Variants in PCSK5 observed in about 807,000 individuals in gnomAD.
PCSK5 encodes prohormone convertase 5.
Under a neutral mutation model 233.2 loss-of-function variants are expected in PCSK5, and 129 were observed. The ratio of observed to expected loss-of-function variants is 0.55; its 90% CI spans 0.48 to 0.64. The LOEUF (loss-of-function observed/expected upper bound fraction) is 0.64, where lower values mean the gene tolerates loss of function less well. PCSK5 is among the 30% of genes least tolerant of loss of function. PCSK5 has a pLI of 0.00. For synonymous variants in PCSK5, 825 were observed against 879.2 expected (o/e 0.94, Z 1.09); for missense variants, 2,076 against 2,430.1 (o/e 0.85, Z 3.06).
chr9:75,989,799 A>C lies in PCSK5; in HGVS notation c.411+3554A>C, dbSNP rs1299742545. Among the ~76,000 whole-genome samples the C allele has an allele frequency of 2.6e-5, 4 of 152,288 alleles. No individual in the cohort carries two copies. In the East Asian group the frequency reaches 7.7e-4, roughly 30 times the overall value. On this transcript the variant is annotated intron_variant, in intron 3 of 37. Coordinates refer to ENST00000674117, the MANE Select transcript of PCSK5 (RefSeq NM_001372043.1). ...GATGTCTTTTATGACATCTAACCTC[A>C]GAAGTCACAGACCCTTATTTCTGTA...
intron 28 of PCSK5, among the ~76,000 whole-genome samples, chr9:76,302,459 T>C (rs558143117): frequency 6.6e-6 from 1 of 152,124 alleles, no homozygotes. Context: ...AGGATATTCG[T>C]GACGAGCTAA....
At chr9:76,077,727 G>C (rs1005404684) in intron 7 of PCSK5, among the ~76,000 whole-genome samples, 2 of 152,170 alleles carry the variant, frequency 1.3e-5, no homozygotes, top group African/African-American at 4.8e-5. Flanking sequence ...TGCTACAAAG[G>C]ACATGGTTTT....
At chr9:75,939,814 T>C (rs943919429) in intron 2 of PCSK5, among the ~76,000 whole-genome samples, 8 of 152,156 alleles carry the variant, frequency 5.3e-5, no homozygotes, top group African/African-American at 1.9e-4. Context: ...TTTCCATTCC[T>C]TTTTCTATCC....
rs1830229669 is a variant in PCSK5, at chr9:76,353,893, T to C, written c.5068-140T>C. 6 of 639,532 alleles carry C rather than the reference T, an allele frequency of 9.4e-6. No homozygotes were observed. The South Asian group carries it at 1.2e-4, about 13-fold the overall frequency. 39.6% of individuals were successfully genotyped at this position (639,532 alleles called of 1,614,324 possible). ...GTTCTTTCACCCAACACAGTTAAAA[T>C]GGGCTTAGAACACACCATCCTTCTG... On this transcript the variant is annotated intron_variant, in intron 36 of 37. Transcript: ENST00000674117.
intron 3 of PCSK5, among the ~76,000 whole-genome samples, chr9:76,019,768 C>A (rs1828102016): frequency 1.3e-5 from 2 of 152,130 alleles, no homozygotes; most frequent in Non-Finnish European, 2.9e-5. Flanking sequence ...AAGGCCATTT[C>A]TTGAACTCAC....
chr9:75,911,798 G>C (rs1381547130), intron 1 of PCSK5, among the ~76,000 whole-genome samples: 1 of 152,162 alleles, frequency 6.6e-6, no homozygotes, highest in Non-Finnish European at 1.5e-5. Flanking sequence ...ATCTTCCCAA[G>C]TGACAGGAAG....
chr9:76,142,282 G>A (rs1360554746), intron 10 of PCSK5, among the ~76,000 whole-genome samples: 2 of 151,638 alleles, frequency 1.3e-5, no homozygotes, highest in African/African-American at 4.8e-5. Flanking sequence ...CTGGTTCCGA[G>A]TTAGTATGAG....
chr9:76,094,877 T>C (rs1345473225), intron 7 of PCSK5, among the ~76,000 whole-genome samples: 2 of 152,176 alleles, frequency 1.3e-5, no homozygotes, highest in Non-Finnish European at 2.9e-5. Context: ...CCCAAAATGC[T>C]AGGATTACAA....
At chr9:76,335,406 C>G (rs1829651650) in intron 34 of PCSK5, among the ~76,000 whole-genome samples, 1 of 152,188 alleles carries the variant, frequency 6.6e-6, no homozygotes, top group Non-Finnish European at 1.5e-5. Flanking sequence ...AATCAGTGTT[C>G]CACATGCTTG....
intron 20 of PCSK5, among the ~76,000 whole-genome samples, chr9:76,222,808 T>C (rs1439713700): frequency 3.3e-5 from 5 of 152,226 alleles, no homozygotes; most frequent in African/African-American, 4.8e-5. Context: ...ATTTCATTAG[T>C]ACATAAGTAG....
At chr9:75,951,718 A>C (rs1332098751) in intron 2 of PCSK5, among the ~76,000 whole-genome samples, 1 of 152,148 alleles carries the variant, frequency 6.6e-6, no homozygotes, top group African/African-American at 2.4e-5. Flanking sequence ...TTGGGAAAAA[A>C]CAGTAAAAAT....
intron 12 of PCSK5, 29 bp from the exon 13 acceptor site, chr9:76,169,675 G>A (rs770274263): frequency 1.0e-5 from 16 of 1,607,858 alleles, no homozygotes; most frequent in East Asian, 2.2e-5. Context: ...TTGAAATATC[G>A]CACATAACAA....
At chr9:75,895,271 A>C (rs1219303088) in intron 1 of PCSK5, among the ~76,000 whole-genome samples, 2 of 152,204 alleles carry the variant, frequency 1.3e-5, no homozygotes, top group Non-Finnish European at 2.9e-5. Flanking sequence ...TAAAATGATA[A>C]ATCTCTAGAT....
chr9:76,103,394 A>C (rs1831843205), intron 8 of PCSK5, among the ~76,000 whole-genome samples: 1 of 152,198 alleles, frequency 6.6e-6, no homozygotes, highest in African/African-American at 2.4e-5. Context: ...AAAACGGATC[A>C]CTAGATATCA....
chr9:75,998,759 A>G (rs1402457552), intron 3 of PCSK5, among the ~76,000 whole-genome samples: 4 of 152,306 alleles, frequency 2.6e-5, no homozygotes, highest in Non-Finnish European at 4.4e-5. Flanking sequence ...ACCAACTTCA[A>G]TAATTACCAA....
intron 2 of PCSK5, among the ~76,000 whole-genome samples, chr9:75,951,991 C>A (rs1334924486): frequency 3.3e-5 from 5 of 152,146 alleles, no homozygotes; most frequent in Non-Finnish European, 7.4e-5. Flanking sequence ...TTCAACCATA[C>A]AGCCAAATTT....
At chr9:76,014,225 C>T (rs1051268283) in intron 3 of PCSK5, among the ~76,000 whole-genome samples, 25 of 152,084 alleles carry the variant, frequency 1.6e-4, no homozygotes, top group African/African-American at 5.8e-4. Context: ...CTCATGTTCC[C>T]ATAATTATTA....
In PCSK5 at chr9:76,272,292, G is replaced by C. The variant is rs61207681; in HGVS notation, c.3143-19941G>C. On this transcript the variant is annotated intron_variant, in intron 24 of 37. Coordinates refer to ENST00000674117, the MANE Select transcript of PCSK5 (RefSeq NM_001372043.1). ...ATCTCAACAACTATACTTTAGTTCA[G>C]GCCACAGACACCATTCCCCCAGATA... is the stretch of plus-strand genomic sequence containing the variant. 4.0e-3 allele frequency among the ~76,000 whole-genome samples: 602 copies of C among 152,060 alleles called. 4 individuals carry two copies. The highest frequency in any genetic ancestry group is 0.014 in the African/African-American group (568 of 41,492).
At position 76,219,752 on chromosome 9, in the gene PCSK5, C is replaced by G. The variant is rs369004554; in HGVS notation, c.2627-7751C>G. 1.5e-4 allele frequency among the ~76,000 whole-genome samples: 23 copies of G among 152,350 alleles called. No individual in the cohort carries two copies. The East Asian group carries it at 4.4e-3, about 29-fold the overall frequency. On this transcript the variant is annotated intron_variant, in intron 20 of 37. Transcript: ENST00000674117. ...TCATGTGGAGAGAGGCCCCCTTTCTCCCGGCCCTCAGCCCTTTCAAGTCAT... is the reference window on the plus strand; with the variant it reads ...TCATGTGGAGAGAGGCCCCCTTTCTGCCGGCCCTCAGCCCTTTCAAGTCAT...
Sources: gnomAD v4.1 joint callset for allele counts (sites outside exome capture counted in the v4.1 genomes callset) on GRCh38, gnomAD v4.1.1 for gene constraint, MANE v1.5 for transcripts, NCBI Gene and HGNC (gene_info 2026-07-23, HGNC 2026-07-21) for gene names.